Variants in LRRC3B observed in about 807,000 individuals in gnomAD.
The protein encoded by LRRC3B is leucine-rich repeat-containing protein 3B.
A neutral mutation model predicts 12.8 loss-of-function variants in LRRC3B; 2 were observed. The observed-to-expected ratio is 0.16, with a 90% CI of 0.06 to 0.49. The LOEUF is 0.49. LRRC3B is among the 20% of genes least tolerant of loss of function. LRRC3B has a pLI of 0.96. For missense variants in LRRC3B, 189 were observed against 319.4 expected (o/e 0.59, Z 3.11); for synonymous variants, 132 against 122.0 (o/e 1.08, Z -0.54).
chr3:26,643,465 G>A (rs1018220225), intron 1 of LRRC3B, among the ~76,000 whole-genome samples: 1 of 152,130 alleles, frequency 6.6e-6, no homozygotes, highest in Non-Finnish European at 1.5e-5. Context: ...GTGGTGGAAT[G>A]AGCTGGCCTG....
intron 1 of LRRC3B, among the ~76,000 whole-genome samples, chr3:26,637,089 C>T (rs1280671626): frequency 2.7e-5 from 4 of 150,822 alleles, no homozygotes; most frequent in Non-Finnish European, 5.9e-5. Flanking sequence ...CTCCGCCTCT[C>T]GAGTTCAAGC....
intron 1 of LRRC3B, among the ~76,000 whole-genome samples, chr3:26,682,511 A>G (rs1699992126): frequency 6.6e-6 from 1 of 152,220 alleles, no homozygotes; most frequent in South Asian, 2.1e-4. Flanking sequence ...GTAGTTATTC[A>G]TAACTACATT....
intron 1 of LRRC3B, among the ~76,000 whole-genome samples, chr3:26,671,413 G>GAGAGAGAGAGAGAGAGACAC (rs9331540): frequency 2.6e-4 from 26 of 99,386 alleles, no homozygotes; most frequent in Non-Finnish European, 3.7e-4. Flanking sequence ...GAGAGAGAGA[G>GAGAGAGAGAGAGAGAGACAC]ACGAAGTCTT....
chr3:26,666,569 ATAGTT>A (rs1361974294), intron 1 of LRRC3B, among the ~76,000 whole-genome samples: 1 of 152,164 alleles, frequency 6.6e-6, no homozygotes, highest in Non-Finnish European at 1.5e-5. Context: ...GAAATTTAGA[ATAGTT>A]TTAGTTGTAC....
chr3:26,710,471 T>C lies in LRRC3B; in HGVS notation c.*19T>C, dbSNP rs1353164751. The C allele has an allele frequency of 1.0e-5, 16 of 1,536,296 alleles. No individual in the cohort carries two copies. The African/African-American group carries it at 1.1e-4, about 11-fold the overall frequency. ...GGTATAGTGTCCAAACTGACTGTCA[T>C]TGAGAAAGAAAGAAAGTAGTTTGCG... On this transcript the variant is annotated 3_prime_UTR_variant, in exon 2 of 2. Transcript: ENST00000396641.
At chr3:26,649,185 G>A (rs1699214046) in intron 1 of LRRC3B, among the ~76,000 whole-genome samples, 1 of 152,204 alleles carries the variant, frequency 6.6e-6, no homozygotes, top group Admixed American at 6.5e-5. Flanking sequence ...TTTGTCATCT[G>A]ACTTAAGGCC....
At chr3:26,636,670 G>A (rs1460554755) in intron 1 of LRRC3B, among the ~76,000 whole-genome samples, 3 of 152,112 alleles carry the variant, frequency 2.0e-5, no homozygotes, top group South Asian at 2.1e-4. Context: ...TATGCCAGGG[G>A]TGTTTCTAAA....
At position 26,689,440 on chromosome 3, in the gene LRRC3B, C is replaced by T. The variant is rs113994214; in HGVS notation, c.-160-20073C>T. Among the ~76,000 whole-genome samples the T allele has an allele frequency of 4.3e-3, 657 of 152,284 alleles. 3 individuals are homozygous for T. Among genetic ancestry groups the T allele is most frequent in the African/African-American group, 0.014 (595 of 41,544 alleles). On this transcript the variant is annotated intron_variant, in intron 1 of 1. Coordinates refer to ENST00000396641, the Ensembl canonical transcript of LRRC3B. Reference sequence around the variant, plus strand: ...GAATCTGACCTCCTTCTGACAGTGGCCATCCCTGGGTGGCTTTCCCGGAGA... The same window carrying T: ...GAATCTGACCTCCTTCTGACAGTGGTCATCCCTGGGTGGCTTTCCCGGAGA...
chr3:26,639,776 C>A (rs1187609267), intron 1 of LRRC3B, among the ~76,000 whole-genome samples: 1 of 152,096 alleles, frequency 6.6e-6, no homozygotes, highest in African/African-American at 2.4e-5. Flanking sequence ...TTCTATGAAC[C>A]ACTTTGTTTA....
intron 1 of LRRC3B, among the ~76,000 whole-genome samples, chr3:26,705,461 T>C (rs1456174875): frequency 6.6e-6 from 1 of 151,826 alleles, no homozygotes; most frequent in Non-Finnish European, 1.5e-5. Flanking sequence ...AAAGATGCTG[T>C]TTAACTTGGT....
chr3:26,634,059 G>A (rs983482633), intron 1 of LRRC3B, among the ~76,000 whole-genome samples: 1 of 152,212 alleles, frequency 6.6e-6, no homozygotes, highest in African/African-American at 2.4e-5. Flanking sequence ...ACAGCAAAGT[G>A]GAGCCCTGGG....
chr3:26,666,921 C>T (rs903065147), intron 1 of LRRC3B, among the ~76,000 whole-genome samples: 8 of 151,986 alleles, frequency 5.3e-5, no homozygotes, highest in Admixed American at 2.6e-4. Flanking sequence ...AGAAATGTGT[C>T]AACTACAACA....
intron 1 of LRRC3B, among the ~76,000 whole-genome samples, chr3:26,680,976 A>G (rs1192945958): frequency 6.6e-6 from 1 of 152,218 alleles, no homozygotes; most frequent in African/African-American, 2.4e-5. Flanking sequence ...GAAGAGAAAC[A>G]TCTGTTATTT....
At chr3:26,628,845 T>A (rs1351100470) in intron 1 of LRRC3B, among the ~76,000 whole-genome samples, 17 of 137,002 alleles carry the variant, frequency 1.2e-4, no homozygotes, top group Non-Finnish European at 1.7e-4. Context: ...GAGTAAATAC[T>A]AAAAAAAAAA....
chr3:26,636,247 G>A (rs954999075), intron 1 of LRRC3B, among the ~76,000 whole-genome samples: 3 of 152,148 alleles, frequency 2.0e-5, no homozygotes, highest in African/African-American at 4.8e-5. Flanking sequence ...AAAAAAAAGA[G>A]AGAGAATTAC....
At chr3:26,682,837 C>T (rs913998365) in intron 1 of LRRC3B, among the ~76,000 whole-genome samples, 1 of 152,218 alleles carries the variant, frequency 6.6e-6, no homozygotes, top group Non-Finnish European at 1.5e-5. Context: ...CTGTGTTTTC[C>T]TCTTCTACAT....
chr3:26,657,128 T>G (rs1205837842), intron 1 of LRRC3B, among the ~76,000 whole-genome samples: 1 of 152,218 alleles, frequency 6.6e-6, no homozygotes, highest in Admixed American at 6.5e-5. Flanking sequence ...TTGTTTTTAA[T>G]ATAATCACAG....
At chr3:26,640,667 C>A (rs2125407547) in intron 1 of LRRC3B, among the ~76,000 whole-genome samples, 1 of 152,254 alleles carries the variant, frequency 6.6e-6, no homozygotes, top group South Asian at 2.1e-4. Flanking sequence ...TGTTTCTGAT[C>A]TCAGAGAGCT....
chr3:26,697,861 GC>G (rs1342008660), intron 1 of LRRC3B, among the ~76,000 whole-genome samples: 1 of 152,118 alleles, frequency 6.6e-6, no homozygotes, highest in Non-Finnish European at 1.5e-5. Flanking sequence ...CATAGAAGGT[GC>G]CCACAAAATG....
Sources: gnomAD v4.1 joint callset for allele counts (sites outside exome capture counted in the v4.1 genomes callset) on GRCh38, gnomAD v4.1.1 for gene constraint, MANE v1.5 for transcripts, NCBI Gene and HGNC (gene_info 2026-07-23, HGNC 2026-07-21) for gene names.